The following SART1 variants were observed in gnomAD, a reference collection of about 807,000 sequenced individuals.
The protein encoded by SART1 is spliceosome associated factor 1, recruiter of U4/U6.U5 tri-snRNP, also known as U4/U6.U5 tri-snRNP-associated protein 1.
In SART1, 28 loss-of-function variants were observed where a neutral mutation model predicts 105.0. That is an observed-to-expected ratio of 0.27 (90% CI 0.20 to 0.37). SART1 has a LOEUF of 0.37. Ranked by LOEUF, SART1 falls within the 10% of genes least tolerant of loss-of-function variation. The pLI, the probability that SART1 is intolerant of heterozygous loss-of-function variation, is 1.00. For synonymous variants in SART1, 472 were observed against 462.9 expected, an observed-to-expected ratio of 1.02 and a Z score of -0.25; for missense variants, 894 against 1,106.5, an observed-to-expected ratio of 0.81 and a Z score of 2.72.
Position 65,976,827 on chromosome 11 carries a change from G to C in SART1, c.1857+61G>C. On this transcript the variant is annotated intron_variant, in intron 14 of 19. Coordinates refer to ENST00000312397, the MANE Select transcript of SART1 (RefSeq NM_005146.5). The surrounding 1 kb of genome is among the most constrained non-coding windows in gnomAD (Gnocchi z 5.1). ...GGTGCTCAAGCTGGAGATGAGCACC[G>C]GGCTCGGTGTCCAGAGCCTCAGCCT... The C allele has an allele frequency of 7.1e-7, 1 of 1,400,252 alleles. No individual in the cohort carries two copies. The highest frequency in any genetic ancestry group is 9.9e-7 in the Non-Finnish European group (1 of 1,013,818). 86.7% of individuals were successfully genotyped at this position (1,400,252 alleles called of 1,614,324 possible).
chr11:65,970,567 G>A (rs1001115572), intron 12 of SART1, among the ~76,000 whole-genome samples: 1 of 152,068 alleles, frequency 6.6e-6, no homozygotes, highest in African/African-American at 2.4e-5. Flanking sequence ...GGGCACAGCA[G>A]CTGTGGGTGA....
In SART1 at chr11:65,965,737, T is replaced by C; in HGVS notation, c.696T>C (p.Gly232=). The C allele has an allele frequency of 1.9e-6, 3 of 1,613,946 alleles. No homozygotes were observed. Among genetic ancestry groups the C allele is most frequent in the Non-Finnish European group, 2.5e-6 (3 of 1,179,996 alleles). ...TGGAGGAGATGGACCAAGAGTTTGGTGTCAGCACTCTGGTGGAGGAGGAGT... is the reference window on the plus strand; with the variant it reads ...TGGAGGAGATGGACCAAGAGTTTGGCGTCAGCACTCTGGTGGAGGAGGAGT... The part of the protein sequence containing the change: ...KLLEEMDQEF[G]VSTLVEEEFG... The change falls in exon 6 of 20, where the codon GGT becomes GGC. Residue 232 remains glycine, a synonymous_variant. Coordinates refer to ENST00000312397, the MANE Select transcript of SART1 (RefSeq NM_005146.5).
intron 5 of SART1, 38 bp from the exon 6 acceptor site, chr11:65,965,664 T>G: frequency 6.3e-7 from 1 of 1,590,366 alleles, no homozygotes; most frequent in Non-Finnish European, 8.6e-7. Context: ...TGATGCTGAG[T>G]GGCCTGAAGT....
chr11:65,977,217 A>G (rs1176599735), intron 15 of SART1, 116 bp downstream of exon 15: 1 of 747,654 alleles, frequency 1.3e-6, no homozygotes, highest in African/African-American at 1.7e-5. Flanking sequence ...TGCTGGAGCC[A>G]GCTGTCCGGC....
At chr11:65,974,872 G>GA (rs1008934244) in intron 12 of SART1, among the ~76,000 whole-genome samples, 8 of 151,018 alleles carry the variant, frequency 5.3e-5, no homozygotes, top group East Asian at 4.0e-4. Context: ...CATCTCTACT[G>GA]AAAAAAAATA....
chr11:65,967,684 G>A lies in SART1; in HGVS notation c.1435G>A (p.Gly479Ser), dbSNP rs770583180. 1.9e-6 allele frequency: 3 copies of A among 1,572,886 alleles called. No homozygotes were observed. The stretch of plus-strand genomic sequence containing the variant: ...ATCCCCTGTGTTTCCCCCAGAGGAA[G>A]GTGGAGCTCCACCGCCGGGGTCCCC... ...ENMDISDEEEGGAPPPGSPQV... is the reference protein window; with the variant it reads ...ENMDISDEEESGAPPPGSPQV... The change falls in exon 12 of 20, where the codon GGT becomes AGT. Residue 479 changes from glycine to serine, a missense_variant. Physicochemically the swap from Gly to Ser is moderately conservative, Grantham distance 56. Around this residue, in one of 2 missense-constraint regions of SART1, gnomAD observed 712 missense variants for 778.2 expected, o/e 0.91. Transcript: ENST00000312397.
intron 12 of SART1, among the ~76,000 whole-genome samples, chr11:65,975,639 C>T (rs1855465360): frequency 6.6e-6 from 1 of 151,938 alleles, no homozygotes; most frequent in African/African-American, 2.4e-5. Context: ...CTCCGGAACT[C>T]AAGCAGTCCA....
In SART1 at chr11:65,978,022, G is replaced by C. The variant is rs1359843978; in HGVS notation, c.2172+123G>C. The C allele has an allele frequency of 2.6e-5, 29 of 1,122,324 alleles. No homozygotes were observed. The highest frequency in any genetic ancestry group is 2.3e-5 in the Non-Finnish European group (18 of 795,674). 69.5% of individuals were successfully genotyped at this position (1,122,324 alleles called of 1,614,324 possible). ...TGGCTCCACCAGCCTCTGGCTGGGG[G>C]CCTGGTGAATGCCACGGATGGGGAG... On this transcript the variant is annotated intron_variant, in intron 17 of 19. Coordinates refer to ENST00000312397, the MANE Select transcript of SART1 (RefSeq NM_005146.5). This position sits in a 1 kb window ranked among gnomAD's most constrained non-coding sequence, Gnocchi z 6.8.
In SART1 at chr11:65,976,708, GGGA is replaced by G. The variant is rs777836660; in HGVS notation, c.1804_1806del (p.Glu602del). ...GCCAACGGTGGCTCCGAATCTGACG[GGGA>G]GGAGAACATCGGCTGGAGCACGGTG... is the stretch of plus-strand genomic sequence containing the variant. On this transcript the variant is annotated inframe_deletion, in exon 14 of 20. Coordinates refer to ENST00000312397, the MANE Select transcript of SART1 (RefSeq NM_005146.5). The surrounding 1 kb of genome is among the most constrained non-coding windows in gnomAD (Gnocchi z 5.1). The G allele has an allele frequency of 4.3e-6, 7 of 1,613,584 alleles. No individual in the cohort carries two copies. Among genetic ancestry groups the G allele is most frequent in the Non-Finnish European group, 4.2e-6 (5 of 1,179,880 alleles).
In SART1 at chr11:65,978,711, G is replaced by T. The variant is rs770242121; in HGVS notation, c.2262+22G>T. The T allele has an allele frequency of 6.2e-7, 1 of 1,613,320 alleles. No homozygotes were observed. Among genetic ancestry groups the T allele is most frequent in the Non-Finnish European group, 8.5e-7 (1 of 1,179,616 alleles). On this transcript the variant is annotated intron_variant, in intron 18 of 19. Transcript: ENST00000312397. This position sits in a 1 kb window ranked among gnomAD's most constrained non-coding sequence, Gnocchi z 6.8. Reference sequence around the variant, plus strand: ...GGCGGTGGGTGCCCTTGGGGATGTGGGGGGCCCTGTGCCTGCCGGGGCAGG... The same window carrying T: ...GGCGGTGGGTGCCCTTGGGGATGTGTGGGGCCCTGTGCCTGCCGGGGCAGG...
rs757587464 is a variant in SART1 at position 65,962,039 on chromosome 11, G to C, written c.259G>C (p.Glu87Gln). The change falls in exon 1 of 20, where the codon GAG becomes CAG. Residue 87 changes from glutamate to glutamine, a missense_variant. Glu to Gln is a conservative substitution (Grantham distance 29). Transcript: ENST00000312397. Reference protein sequence around the residue: ...STHGRERSQAEPSERRVKREK... With the variant: ...STHGRERSQAQPSERRVKREK... ...GCACGGGCGGGAGCGCAGCCAGGCA[G>C]AGCCCTCCGAGCGGCGCGTGAAGCG... 3 of 1,493,108 alleles carry C rather than the reference G, an allele frequency of 2.0e-6. No individual in the cohort carries two copies. The highest frequency in any genetic ancestry group is 2.4e-4 in the Middle Eastern group (1 of 4,230). The allele number at this position is 1,493,108 out of a possible 1,614,324, so 92.5% of individuals were successfully genotyped here. A position where few individuals can be genotyped will look rare whatever the true frequency, so the allele number is the denominator to read the frequency against.
In SART1 at chr11:65,978,543, A is replaced by C; in HGVS notation, c.2173-57A>C. The C allele has an allele frequency of 6.7e-7, 1 of 1,502,140 alleles. No individual in the cohort carries two copies. The highest frequency in any genetic ancestry group is 1.2e-5 in the South Asian group (1 of 83,008). The allele number at this position is 1,502,140 out of a possible 1,614,324, so 93.1% of individuals were successfully genotyped here. On this transcript the variant is annotated intron_variant, in intron 17 of 19. Coordinates refer to ENST00000312397, the MANE Select transcript of SART1 (RefSeq NM_005146.5). This position sits in a 1 kb window ranked among gnomAD's most constrained non-coding sequence, Gnocchi z 6.8. ...CTGTTATTATACACCTTGTGGGCAC[A>C]GGTGGCTCCGGCCCCACCCAGGGCC...
Position 65,966,421 on chromosome 11 carries a change from G to A in SART1, c.1053G>A (p.Leu351=). Residue 351 remains leucine, a synonymous_variant, in exon 9 of 20, where the codon TTG becomes TTA. Coordinates refer to ENST00000312397, the MANE Select transcript of SART1 (RefSeq NM_005146.5). ...GGGAGCGGCCACATTCCTTCCGCTT[G>A]GAGCAGGGCGGCACGGCTGATGGCC... is the stretch of plus-strand genomic sequence containing the variant. ...LEGERPHSFR[L]EQGGTADGLR... The A allele has an allele frequency of 1.2e-6, 2 of 1,613,860 alleles. No homozygotes were observed. The highest frequency in any genetic ancestry group is 1.7e-6 in the Non-Finnish European group (2 of 1,180,032).
Position 65,976,991 on chromosome 11 carries a change from C to G in SART1, c.1858-23C>G. The G allele has an allele frequency of 6.2e-7, 1 of 1,601,662 alleles. No homozygotes were observed. On this transcript the variant is annotated intron_variant, in intron 14 of 19. Coordinates refer to ENST00000312397, the MANE Select transcript of SART1 (RefSeq NM_005146.5). The surrounding 1 kb of genome is among the most constrained non-coding windows in gnomAD (Gnocchi z 5.1). ...AGAAGAGCCGGTATGGCCTGCTAAC[C>G]ACCCCCGCCACGTGTCCCGTAGTTC...
chr11:65,967,068 C>T (rs1151505), intron 9 of SART1, among the ~76,000 whole-genome samples, 191 bp from the exon 10 acceptor site: 77,288 of 151,802 alleles, frequency 0.51, 20,085 homozygotes, highest in East Asian at 0.68. Context: ...ACTTAACCTC[C>T]CTGTGCCCCA....
rs769710645 is a variant in SART1, at chr11:65,967,572, A to G, written c.1415A>G (p.Asp472Gly). 6.2e-7 allele frequency: 1 copy of G among 1,612,564 alleles called. No individual in the cohort carries two copies. The highest frequency in any genetic ancestry group is 8.5e-7 in the Non-Finnish European group (1 of 1,179,940). The change falls in exon 11 of 20, where the codon GAC becomes GGC. Residue 472 changes from aspartate to glycine, a missense_variant. Around this residue, in one of 2 missense-constraint regions of SART1, gnomAD observed 712 missense variants for 778.2 expected, o/e 0.91. Transcript: ENST00000312397. Reference protein sequence around the residue: ...PSDDTRVENMDISDEEEGGAP... With the variant: ...PSDDTRVENMGISDEEEGGAP... ...GACGACACCCGAGTGGAGAACATGGACATCAGTGATGAGGGTGAGGGCCCG... is the reference window on the plus strand; with the variant it reads ...GACGACACCCGAGTGGAGAACATGGGCATCAGTGATGAGGGTGAGGGCCCG...
Position 65,976,670 on chromosome 11 carries a change from T to G in SART1, c.1761T>G (p.Asp587Glu). 6.2e-7 allele frequency: 1 copy of G among 1,613,588 alleles called. No individual in the cohort carries two copies. The highest frequency in any genetic ancestry group is 8.5e-7 in the Non-Finnish European group (1 of 1,179,866). Residue 587 changes from aspartate to glutamate, a missense_variant, in exon 14 of 20, where the codon GAT becomes GAG. Physicochemically the swap from Asp to Glu is conservative, Grantham distance 45. This residue lies in a region of SART1 where 182 missense variants were observed against 328.3 expected (regional missense o/e 0.55). Coordinates refer to ENST00000312397, the MANE Select transcript of SART1 (RefSeq NM_005146.5). The surrounding 1 kb of genome is among the most constrained non-coding windows in gnomAD (Gnocchi z 5.1). ...TTGTGCCCCAGGACTTTGAACGGGA[T>G]GAGGAGCGCTCAGCCAACGGTGGCT... ...EQEELMDFERDEERSANGGSE... is the reference protein window; with the variant it reads ...EQEELMDFEREEERSANGGSE...
At chr11:65,975,981 G>T (rs2134921127) in intron 12 of SART1, among the ~76,000 whole-genome samples, 1 of 152,236 alleles carries the variant, frequency 6.6e-6, no homozygotes, top group South Asian at 2.1e-4. Context: ...GAAGTCAAAA[G>T]CGTGGGCCAC....
intron 12 of SART1, among the ~76,000 whole-genome samples, chr11:65,975,048 ATAAAAAT>A (rs1428573328): frequency 1.3e-5 from 2 of 152,106 alleles, no homozygotes; most frequent in African/African-American, 2.4e-5. Context: ...TCAAAAAGAA[ATAAAAAT>A]TAAAAGACAA....
Sources: allele counts gnomAD v4.1 joint callset (sites outside exome capture counted in the v4.1 genomes callset), GRCh38; gene constraint gnomAD v4.1.1; regional missense constraint gnomAD v4.1.1; non-coding constraint Gnocchi (gnomAD v3.1); transcripts MANE v1.5; gene names NCBI Gene and HGNC (gene_info 2026-07-23, HGNC 2026-07-21).